The following CHN1 variants were observed in gnomAD, a reference collection of about 807,000 sequenced individuals.
The protein encoded by CHN1 is N-chimaerin.
In CHN1, 37 loss-of-function variants were observed where a neutral mutation model predicts 59.5. The observed-to-expected ratio is 0.62, with a 90% confidence interval of 0.48 to 0.82. The LOEUF (loss-of-function observed/expected upper bound fraction) is 0.82, where lower values mean the gene tolerates loss of function less well. Among genes scored for constraint, CHN1 ranks in the 40% least tolerant of loss-of-function variants. The pLI is 0.00. For synonymous variants in CHN1, 206 were observed against 200.4 expected (o/e 1.03, Z -0.24); for missense variants, 469 against 571.0 (o/e 0.82, Z 1.82).
chr2:174,848,751 C>T (rs149520819), intron 6 of CHN1, among the ~76,000 whole-genome samples: 4 of 151,932 alleles, frequency 2.6e-5, no homozygotes, highest in Admixed American at 1.3e-4. Flanking sequence ...GTCTTTAGTC[C>T]CTTTTATTTT....
At chr2:174,926,796 T>C (rs537227858) in intron 3 of CHN1, among the ~76,000 whole-genome samples, 11 of 151,908 alleles carry the variant, frequency 7.2e-5, no homozygotes, top group Non-Finnish European at 1.2e-4. Context: ...CTTGCTCTGT[T>C]GCCCAGGGTG....
intron 7 of CHN1, among the ~76,000 whole-genome samples, chr2:174,828,636 T>C (rs1393122895): frequency 6.6e-6 from 1 of 152,228 alleles, no homozygotes; most frequent in Non-Finnish European, 1.5e-5. Context: ...TAATTACCTG[T>C]TTTAAAAATG....
At chr2:174,877,145 A>C (rs1687591702) in intron 6 of CHN1, among the ~76,000 whole-genome samples, 1 of 152,184 alleles carries the variant, frequency 6.6e-6, no homozygotes, top group Non-Finnish European at 1.5e-5. Flanking sequence ...GGCAATTTTC[A>C]AAAGTAAAAT....
chr2:174,951,137 G>A (rs368055399), intron 2 of CHN1, among the ~76,000 whole-genome samples: 1 of 152,130 alleles, frequency 6.6e-6, no homozygotes, highest in South Asian at 2.1e-4. Context: ...ATCTTTAGGA[G>A]GTAAAGAATA....
At chr2:174,980,563 T>A (rs1691114977) in intron 1 of CHN1, among the ~76,000 whole-genome samples, 1 of 152,146 alleles carries the variant, frequency 6.6e-6, no homozygotes, top group Non-Finnish European at 1.5e-5. Context: ...AATTCCTAAT[T>A]GAAGAATTAA....
chr2:174,915,538 G>T (rs1290877355), intron 4 of CHN1, among the ~76,000 whole-genome samples: 2 of 150,110 alleles, frequency 1.3e-5, no homozygotes, highest in African/African-American at 4.9e-5. Context: ...CGCAGAAAAT[G>T]TATCCTATTT....
intron 8 of CHN1, among the ~76,000 whole-genome samples, chr2:174,818,923 T>C (rs1685375713): frequency 7.2e-6 from 1 of 138,110 alleles, no homozygotes; most frequent in Non-Finnish European, 1.6e-5. Flanking sequence ...GATAACTTTA[T>C]GTTAATAAGA....
chr2:174,923,340 C>T (rs1689073632), intron 3 of CHN1, among the ~76,000 whole-genome samples: 1 of 152,084 alleles, frequency 6.6e-6, no homozygotes, highest in Admixed American at 6.6e-5. Context: ...CGGGGTTTCA[C>T]CGTGTTAGCC....
At chr2:175,004,513 T>C (rs927212220) in intron 1 of CHN1, among the ~76,000 whole-genome samples, 1 of 149,288 alleles carries the variant, frequency 6.7e-6, no homozygotes, top group Non-Finnish European at 1.5e-5. Flanking sequence ...GACTCACAGA[T>C]ACCTCGTTCA....
intron 1 of CHN1, among the ~76,000 whole-genome samples, chr2:174,992,824 C>CAA (rs543432721): frequency 9.4e-4 from 143 of 151,652 alleles, no homozygotes; most frequent in Admixed American, 3.5e-3. Flanking sequence ...TTTTAAGAGA[C>CAA]AGAGTCTGAC....
chr2:174,937,725 T>G (rs550940643), intron 3 of CHN1, among the ~76,000 whole-genome samples: 2 of 152,024 alleles, frequency 1.3e-5, no homozygotes, highest in South Asian at 4.2e-4. Context: ...CAGTAATGAG[T>G]GAGTTCTTAC....
intron 7 of CHN1, among the ~76,000 whole-genome samples, chr2:174,834,764 C>T (rs1302914921): frequency 6.6e-6 from 1 of 152,044 alleles, no homozygotes; most frequent in Non-Finnish European, 1.5e-5. Flanking sequence ...AAATAATCCT[C>T]GAAGATATTA....
intron 8 of CHN1, among the ~76,000 whole-genome samples, chr2:174,821,332 T>C (rs1685488527): frequency 6.6e-6 from 1 of 152,192 alleles, no homozygotes; most frequent in South Asian, 2.1e-4. Flanking sequence ...CAGCATAGCA[T>C]CTTCTCTTCC....
intron 1 of CHN1, among the ~76,000 whole-genome samples, chr2:174,969,731 T>C (rs1690700355): frequency 6.6e-6 from 1 of 152,124 alleles, no homozygotes; most frequent in South Asian, 2.1e-4. Flanking sequence ...CTATCTAAAA[T>C]ACTACATATT....
At chr2:175,001,972 C>G (rs945028777) in intron 1 of CHN1, among the ~76,000 whole-genome samples, 1 of 152,124 alleles carries the variant, frequency 6.6e-6, no homozygotes, top group South Asian at 2.1e-4. Context: ...AAAGCCTATA[C>G]GGAATTAGTT....
intron 1 of CHN1, among the ~76,000 whole-genome samples, chr2:174,955,136 C>G (rs115826087): frequency 0.03 from 4,091 of 138,412 alleles, 186 homozygotes; most frequent in African/African-American, 0.11. Flanking sequence ...TAATATAGAT[C>G]TATATATCTC....
chr2:174,985,740 T>C (rs1224795558), intron 1 of CHN1, among the ~76,000 whole-genome samples: 1 of 152,178 alleles, frequency 6.6e-6, no homozygotes, highest in Non-Finnish European at 1.5e-5. Flanking sequence ...AAATTGAAGC[T>C]CATCAATTTC....
chr2:174,861,677 A>C (rs2105453523), intron 6 of CHN1, among the ~76,000 whole-genome samples: 1 of 152,346 alleles, frequency 6.6e-6, no homozygotes, highest in South Asian at 2.1e-4. Context: ...TATGAACTAA[A>C]AACATGTTAG....
intron 1 of CHN1, among the ~76,000 whole-genome samples, chr2:174,998,864 T>C (rs937572374): frequency 1.3e-5 from 2 of 152,204 alleles, no homozygotes; most frequent in Non-Finnish European, 2.9e-5. Context: ...TTCTTCTATC[T>C]AATCTTTGTT....
Sources: allele counts gnomAD v4.1 joint callset (sites outside exome capture counted in the v4.1 genomes callset), GRCh38; gene constraint gnomAD v4.1.1; transcripts MANE v1.5; gene names NCBI Gene and HGNC (gene_info 2026-07-23, HGNC 2026-07-21).